Variants in SLIT2 observed in about 807,000 individuals in gnomAD.
The protein encoded by SLIT2 is slit homolog 2 protein.
Under a neutral mutation model 185.7 loss-of-function variants are expected in SLIT2, and 41 were observed. That is an observed-to-expected ratio of 0.22 (90% CI 0.17 to 0.29). The LOEUF (loss-of-function observed/expected upper bound fraction) is 0.29. SLIT2 is among the 10% of genes least tolerant of loss of function. SLIT2 has a pLI of 1.00. For synonymous variants in SLIT2, 693 were observed against 680.2 expected, an observed-to-expected ratio of 1.02 and a Z score of -0.29; for missense variants, 1,571 against 1,909.0, an observed-to-expected ratio of 0.82 and a Z score of 3.30.
chr4:20,383,278 C>G (rs1724675938), intron 4 of SLIT2, among the ~76,000 whole-genome samples: 1 of 151,994 alleles, frequency 6.6e-6, no homozygotes, highest in Non-Finnish European at 1.5e-5. Context: ...ACAGGTTAAA[C>G]AAAATAAAAG....
intron 29 of SLIT2, chr4:20,573,361 T>C (rs1725787558): frequency 1.4e-6 from 1 of 693,262 alleles, no homozygotes. Context: ...AAAGGAATGT[T>C]GACAAAATAT....
At chr4:20,510,427 T>G in intron 9 of SLIT2, 68 bp from the exon 10 acceptor site, 1 of 991,004 alleles carries the variant, frequency 1.0e-6, no homozygotes, top group Non-Finnish European at 1.6e-6. Context: ...ACATGAATCC[T>G]GAGCTTGAAT....
intron 4 of SLIT2, among the ~76,000 whole-genome samples, chr4:20,463,252 C>T (rs1221042352): frequency 1.3e-5 from 2 of 151,728 alleles, no homozygotes; most frequent in Admixed American, 6.6e-5. Flanking sequence ...CTTTCCCCAG[C>T]GTTGAAGGCT....
intron 4 of SLIT2, among the ~76,000 whole-genome samples, chr4:20,431,518 G>A (rs1056254702): frequency 6.6e-6 from 1 of 151,926 alleles, no homozygotes; most frequent in African/African-American, 2.4e-5. Context: ...CTTTAACATC[G>A]ACTCTGACTG....
rs764232063 is a variant in SLIT2 at position 20,373,434 on chromosome 4, A to C, written c.396-94318A>C. Among the ~76,000 whole-genome samples, 22 of 152,066 alleles carry C rather than the reference A, an allele frequency of 1.4e-4. 1 individual carries two copies. The highest frequency in any genetic ancestry group is 3.1e-4 in the Non-Finnish European group (21 of 67,984). On this transcript the variant is annotated intron_variant, in intron 4 of 36. Coordinates refer to ENST00000504154, the MANE Select transcript of SLIT2 (RefSeq NM_004787.4). ...AAGAGATAAAAGTGCTTCCACTTTC[A>C]CACACAAGTTTAACTCATAAGTTTA...
intron 5 of SLIT2, among the ~76,000 whole-genome samples, chr4:20,473,854 A>G (rs1715824299): frequency 6.6e-6 from 1 of 152,096 alleles, no homozygotes; most frequent in South Asian, 2.1e-4. Context: ...GGCAAATGCA[A>G]GACCTCATTA....
intron 5 of SLIT2, among the ~76,000 whole-genome samples, chr4:20,472,071 G>T (rs1715098859): frequency 1.3e-5 from 2 of 150,366 alleles, no homozygotes; most frequent in African/African-American, 4.9e-5. Flanking sequence ...AATGGTCACT[G>T]GTGGTACATT....
At chr4:20,502,971 C>G (rs1484654236) in intron 9 of SLIT2, among the ~76,000 whole-genome samples, 1 of 152,018 alleles carries the variant, frequency 6.6e-6, no homozygotes, top group East Asian at 1.9e-4. Context: ...CTCTAGTGCT[C>G]ATGCAGTTCA....
At chr4:20,544,132 C>A (rs1313612204) in intron 21 of SLIT2, among the ~76,000 whole-genome samples, 1 of 151,748 alleles carries the variant, frequency 6.6e-6, no homozygotes, top group East Asian at 1.9e-4. Context: ...ACGTAACAAA[C>A]CTGCATGTTG....
chr4:20,336,693 G>GA (rs577924200), intron 4 of SLIT2, among the ~76,000 whole-genome samples: 25 of 151,726 alleles, frequency 1.6e-4, no homozygotes, highest in Admixed American at 1.4e-3. Context: ...AGAAAAAAAA[G>GA]AAAAAAAACT....
rs374982745 is a variant in SLIT2, at chr4:20,316,086, A to T, written c.395+47205A>T. Among the ~76,000 whole-genome samples, 18 of 152,170 alleles carry T rather than the reference A, an allele frequency of 1.2e-4. No homozygotes were observed. In the East Asian group the frequency reaches 1.7e-3, roughly 15 times the overall value. ...ATTCCAAAAATGTGAGCTAGGCAAA[A>T]CATAAAGAACTTTATGCATTCATTC... On this transcript the variant is annotated intron_variant, in intron 4 of 36. Transcript: ENST00000504154.
intron 12 of SLIT2, among the ~76,000 whole-genome samples, chr4:20,523,239 G>T (rs1720990979): frequency 6.6e-6 from 1 of 152,180 alleles, no homozygotes; most frequent in Admixed American, 6.5e-5. Flanking sequence ...TCTGAAGAGT[G>T]GGCTACAGGT....
intron 4 of SLIT2, among the ~76,000 whole-genome samples, chr4:20,442,707 A>G (rs1729864452): frequency 6.6e-6 from 1 of 152,064 alleles, no homozygotes; most frequent in Admixed American, 6.6e-5. Flanking sequence ...TGTGGACTGG[A>G]GCAGAGTTTT....
chr4:20,582,622 A>G (rs1176838240), intron 29 of SLIT2, among the ~76,000 whole-genome samples: 1 of 152,144 alleles, frequency 6.6e-6, no homozygotes, highest in Admixed American at 6.5e-5. Flanking sequence ...AACTAGTATG[A>G]ATTTCTTTTT....
At chr4:20,412,086 ACT>A (rs1357938747) in intron 4 of SLIT2, among the ~76,000 whole-genome samples, 1 of 151,872 alleles carries the variant, frequency 6.6e-6, no homozygotes, top group Non-Finnish European at 1.5e-5. Context: ...GGTTATTATG[ACT>A]CAGACCCAGT....
intron 4 of SLIT2, among the ~76,000 whole-genome samples, chr4:20,388,839 A>G (rs939939508): frequency 3.4e-5 from 5 of 145,992 alleles, no homozygotes; most frequent in South Asian, 4.2e-4. Context: ...TATATAATAT[A>G]TATAAAATAT....
chr4:20,390,885 A>G (rs1032134253), intron 4 of SLIT2, among the ~76,000 whole-genome samples: 2 of 151,902 alleles, frequency 1.3e-5, no homozygotes, highest in Non-Finnish European at 2.9e-5. Context: ...ATTGTATGCT[A>G]TGAAATTCTT....
intron 26 of SLIT2, 82 bp from the exon 27 acceptor site, chr4:20,567,180 T>G (rs758934849): frequency 1.0e-4 from 120 of 1,192,992 alleles, no homozygotes; most frequent in Middle Eastern, 4.0e-4. Context: ...TATATGAAAT[T>G]TACCATTACA....
intron 4 of SLIT2, among the ~76,000 whole-genome samples, chr4:20,350,293 T>G (rs934884487): frequency 6.6e-6 from 1 of 152,094 alleles, no homozygotes; most frequent in African/African-American, 2.4e-5. Context: ...TCCTTGCTTT[T>G]TTTTTTTAAT....
Sources: gnomAD v4.1 joint callset for allele counts (sites outside exome capture counted in the v4.1 genomes callset) on GRCh38, gnomAD v4.1.1 for gene constraint, MANE v1.5 for transcripts, NCBI Gene and HGNC (gene_info 2026-07-23, HGNC 2026-07-21) for gene names.